Variants in FAM177A1 observed in about 807,000 individuals in gnomAD.
FAM177A1 encodes family with sequence similarity 177 member A1, also known as protein FAM177A1.
In FAM177A1, 22 loss-of-function variants were observed where a neutral mutation model predicts 26.1. The observed-to-expected ratio is 0.84, with a 90% confidence interval of 0.60 to 1.20. The LOEUF is 1.20. FAM177A1 is among the 50% of genes most tolerant of loss of function. The pLI, the probability that FAM177A1 is intolerant of heterozygous loss-of-function variation, is 0.00. For synonymous variants in FAM177A1, 95 were observed against 99.3 expected (o/e 0.96, Z 0.26); for missense variants, 296 against 291.1 (o/e 1.02, Z -0.12).
chr14:35,078,369 T>A (rs950381582), intron 3 of FAM177A1, among the ~76,000 whole-genome samples: 2 of 152,224 alleles, frequency 1.3e-5, no homozygotes, highest in Non-Finnish European at 2.9e-5. Flanking sequence ...TTTTCTTTTT[T>A]GAGACAGAGT....
At chr14:35,078,012 T>C (rs2045424264) in intron 3 of FAM177A1, among the ~76,000 whole-genome samples, 1 of 152,186 alleles carries the variant, frequency 6.6e-6, no homozygotes, top group Non-Finnish European at 1.5e-5. Context: ...AAAATATAGG[T>C]TTTAAATTAT....
At chr14:35,050,633 T>TG (rs2044950771) in intron 1 of FAM177A1, among the ~76,000 whole-genome samples, 1 of 140,484 alleles carries the variant, frequency 7.1e-6, no homozygotes, top group African/African-American at 2.6e-5. Context: ...TCTACTGTCT[T>TG]GGGGGTGGGA....
intron 1 of FAM177A1, among the ~76,000 whole-genome samples, chr14:35,047,699 A>C (rs2044892095): frequency 6.6e-6 from 1 of 152,140 alleles, no homozygotes; most frequent in East Asian, 1.9e-4. Context: ...CAGTGAGCCG[A>C]GATCACGCCA....
chr14:35,080,506 G>A (rs2045464049), intron 4 of FAM177A1, among the ~76,000 whole-genome samples: 1 of 152,142 alleles, frequency 6.6e-6, no homozygotes, highest in Non-Finnish European at 1.5e-5. Flanking sequence ...GTTTTAAAAA[G>A]TAACCTCTTT....
rs1272182619 is a variant in FAM177A1, at chr14:35,059,201, A to C, written c.339+5750A>C. Among the ~76,000 whole-genome samples, 3 of 152,130 alleles carry C rather than the reference A, an allele frequency of 2.0e-5. No homozygotes were observed. The East Asian group carries it at 5.8e-4, about 29-fold the overall frequency. On this transcript the variant is annotated intron_variant, in intron 2 of 4. Transcript: ENST00000280987. ...CGGCCTCCCAAAATGCTGGGATTAT[A>C]GGTGTGAGCCACCACGCCTGGCCAG...
chr14:35,074,864 A>G lies in FAM177A1; in HGVS notation c.340-2286A>G, dbSNP rs1410360198. On this transcript the variant is annotated intron_variant, in intron 2 of 4. Transcript: ENST00000280987. ...GAGACCAGCCTGGCCAACATGGCGA[A>G]ACCTTATCTATACTAAACATACAAA... Among the ~76,000 whole-genome samples the G allele has an allele frequency of 4.6e-5, 7 of 152,030 alleles. No homozygotes were observed. In the East Asian group the frequency reaches 1.4e-3, roughly 30 times the overall value.
chr14:35,074,484 C>A (rs2045366149), intron 2 of FAM177A1, among the ~76,000 whole-genome samples: 1 of 151,946 alleles, frequency 6.6e-6, no homozygotes, highest in Non-Finnish European at 1.5e-5. Context: ...CGCCACCATG[C>A]CTGGCTAATT....
chr14:35,070,422 C>T (rs929202190), intron 2 of FAM177A1, among the ~76,000 whole-genome samples: 5 of 151,946 alleles, frequency 3.3e-5, no homozygotes, highest in African/African-American at 4.8e-5. Flanking sequence ...CTCAGCCTCC[C>T]GGATTCAAGC....
At chr14:35,056,513 G>A (rs2045064750) in intron 2 of FAM177A1, among the ~76,000 whole-genome samples, 1 of 151,826 alleles carries the variant, frequency 6.6e-6, no homozygotes, top group South Asian at 2.1e-4. Flanking sequence ...ATGCCACAAC[G>A]TCTGGCTAAT....
rs544580240 is a variant in FAM177A1 at position 35,067,871 on chromosome 14, G to C, written c.340-9279G>C. On this transcript the variant is annotated intron_variant, in intron 2 of 4. Transcript: ENST00000280987. ...AGGTCCTTAGCCTAGTTTTTAATTAGGTTGTTTTTTTGCTTTTGAGTTGTT... is the reference window on the plus strand; with the variant it reads ...AGGTCCTTAGCCTAGTTTTTAATTACGTTGTTTTTTTGCTTTTGAGTTGTT... Among the ~76,000 whole-genome samples the C allele has an allele frequency of 3.3e-5, 5 of 152,106 alleles. No individual in the cohort carries two copies. In the South Asian group the frequency reaches 1.0e-3, roughly 32 times the overall value.
chr14:35,058,736 C>T (rs888975339), intron 2 of FAM177A1, among the ~76,000 whole-genome samples: 1 of 152,000 alleles, frequency 6.6e-6, no homozygotes, highest in African/African-American at 2.4e-5. Context: ...ATTAGCCATG[C>T]GTGGTGGCAC....
intron 1 of FAM177A1, among the ~76,000 whole-genome samples, chr14:35,048,306 G>A (rs555638594): frequency 1.3e-5 from 2 of 152,020 alleles, no homozygotes; most frequent in East Asian, 1.9e-4. Context: ...GTAAACACAC[G>A]TGTACTTATA....
chr14:35,059,663 A>G (rs548592652), intron 2 of FAM177A1, among the ~76,000 whole-genome samples: 5 of 150,620 alleles, frequency 3.3e-5, no homozygotes, highest in African/African-American at 1.2e-4. Context: ...CCTCCCGAGT[A>G]GCTGGGATTA....
At position 35,046,473 on chromosome 14, in the gene FAM177A1, G is replaced by C. The variant is rs757687036; in HGVS notation, c.10G>C (p.Gly4Arg). 1.9e-6 allele frequency: 3 copies of C among 1,587,156 alleles called. No homozygotes were observed. The highest frequency in any genetic ancestry group is 4.7e-5 in the East Asian group (2 of 42,820). MEV[G>R]LPAITLFLTS... is the part of the protein sequence containing the mutation. Reference sequence around the variant, plus strand: ...GGCGGGGAGACCAAGGATGGAAGTGGGCTTACCGGCCATTACCCTCTTTCT... The same window carrying C: ...GGCGGGGAGACCAAGGATGGAAGTGCGCTTACCGGCCATTACCCTCTTTCT... The change falls in exon 1 of 5, where the codon GGC (glycine) becomes CGC (arginine). Residue 4 changes from glycine (G) to arginine (R), a missense_variant. By Grantham distance (125) the Gly-to-Arg change is moderately radical. Coordinates refer to ENST00000280987, the MANE Select transcript of FAM177A1 (RefSeq NM_173607.5).
intron 2 of FAM177A1, among the ~76,000 whole-genome samples, chr14:35,053,850 G>T (rs2045017406): frequency 6.6e-6 from 1 of 152,084 alleles, no homozygotes; most frequent in African/African-American, 2.4e-5. Flanking sequence ...AAAATTAGCT[G>T]GACGTATTGG....
intron 2 of FAM177A1, among the ~76,000 whole-genome samples, chr14:35,069,542 C>G (rs1041374510): frequency 2.2e-4 from 34 of 152,166 alleles, no homozygotes; most frequent in Non-Finnish European, 2.8e-4. Context: ...GCCTCGGCCT[C>G]CCAAAGTGCT....
chr14:35,067,762 C>T (rs1012575879), intron 2 of FAM177A1, among the ~76,000 whole-genome samples: 2 of 152,158 alleles, frequency 1.3e-5, no homozygotes, highest in African/African-American at 4.8e-5. Context: ...TTTAATTTGC[C>T]TTTCCTTAAT....
At chr14:35,062,302 T>C (rs2045171627) in intron 2 of FAM177A1, among the ~76,000 whole-genome samples, 1 of 152,236 alleles carries the variant, frequency 6.6e-6, no homozygotes, top group Non-Finnish European at 1.5e-5. Flanking sequence ...TTCCTCATGC[T>C]GTTATGATAG....
intron 4 of FAM177A1, among the ~76,000 whole-genome samples, chr14:35,080,493 CCT>C (rs1186231278): frequency 1.3e-5 from 2 of 152,038 alleles, no homozygotes; most frequent in Non-Finnish European, 2.9e-5. Flanking sequence ...AGTGCTGGAC[CCT>C]GTTTTAAAAA....
Sources: allele counts gnomAD v4.1 joint callset (sites outside exome capture counted in the v4.1 genomes callset), GRCh38; gene constraint gnomAD v4.1.1; transcripts MANE v1.5; gene names NCBI Gene and HGNC (gene_info 2026-07-23, HGNC 2026-07-21).